Variants in SLC12A2 observed in about 807,000 individuals in gnomAD.
SLC12A2 encodes the protein solute carrier family 12 member 2.
In SLC12A2, 67 loss-of-function variants were observed where a neutral mutation model predicts 136.3. That is an observed-to-expected ratio of 0.49 (90% confidence interval 0.40 to 0.60). SLC12A2 has a LOEUF of 0.60. Ranked by LOEUF, SLC12A2 falls within the 20% of genes least tolerant of loss-of-function variation. The pLI, the probability that SLC12A2 is intolerant of heterozygous loss-of-function variation, is 0.00. For synonymous variants in SLC12A2, 619 were observed against 562.9 expected, an observed-to-expected ratio of 1.10 and a Z score of -1.41; for missense variants, 1,322 against 1,534.7, an observed-to-expected ratio of 0.86 and a Z score of 2.32.
At position 128,141,876 on chromosome 5, in the gene SLC12A2, C is replaced by A. The variant is rs111727169; in HGVS notation, c.1668C>A (p.Ile556=). ...RDATGNVNDT[I]VTELTNCTSA... is the part of the protein sequence containing the mutation. ...CCACTGGAAACGTTAATGACACTAT[C>A]GTAACAGAGCTAACAAACTGTACTT... Residue 556 remains isoleucine (I), a synonymous_variant, in exon 10 of 27, where the codon ATC becomes ATA. Coordinates refer to ENST00000262461, the MANE Select transcript of SLC12A2 (RefSeq NM_001046.3). 2 of 1,613,794 alleles carry A rather than the reference C, an allele frequency of 1.2e-6. No homozygotes were observed. The highest frequency in any genetic ancestry group is 8.5e-7 in the Non-Finnish European group (1 of 1,179,808).
chr5:128,179,948 CTTTTTTTTTTTTTTTTTTTTTTTTT>C (rs70997365), intron 22 of SLC12A2, among the ~76,000 whole-genome samples: 2 of 50,444 alleles, frequency 4.0e-5, no homozygotes, highest in Admixed American at 2.7e-4. Context: ...CCAATCGTTC[CTTTTTTTTTTTTTTTTTTTTTTTTT>C]TTTTTTTTTT....
Position 128,137,103 on chromosome 5 carries a change from C to G in SLC12A2, c.1408+1295C>G, listed in dbSNP as rs143762048. On this transcript the variant is annotated intron_variant, in intron 7 of 26. Transcript: ENST00000262461. ...GTTATCAGATGTTGAATCTTTCAGT[C>G]CATTGTCCACACAACATTAATAGTA... 1.1e-3 allele frequency among the ~76,000 whole-genome samples: 169 copies of G among 152,278 alleles called. 1 individual carries two copies. In the East Asian group the frequency reaches 0.029, roughly 26 times the overall value.
intron 2 of SLC12A2, 111 bp downstream of exon 2, chr5:128,113,044 GTCTTA>G: frequency 1.1e-6 from 1 of 939,386 alleles, no homozygotes; most frequent in Non-Finnish European, 1.5e-6. Context: ...TATGTTAACT[GTCTTA>G]TCTGAGTGCT....
intron 22 of SLC12A2, among the ~76,000 whole-genome samples, chr5:128,179,580 A>G (rs1274493062): frequency 6.6e-6 from 1 of 152,174 alleles, no homozygotes; most frequent in Non-Finnish European, 1.5e-5. Flanking sequence ...GGGAGCTTTT[A>G]CTTATGGCAG....
At position 128,084,348 on chromosome 5, in the gene SLC12A2, AGC is replaced by A; in HGVS notation, c.396_397del (p.Ser132ArgfsTer21). ...CGGCGAGAGCGAGCCGGCTAAAGGC[AGC>A]GAGGAAGCCAAGGGCCGCTTCCGCG... ...ASGESEPAKG[S>X]EEAKGRFRVN... On this transcript the variant is annotated frameshift_variant, in exon 1 of 27. Coordinates refer to ENST00000262461, the MANE Select transcript of SLC12A2 (RefSeq NM_001046.3). LOFTEE classifies it high-confidence loss of function. This position sits in a 1 kb window ranked among gnomAD's most constrained non-coding sequence, Gnocchi z 5.6. 6.3e-7 allele frequency: 1 copy of A among 1,590,982 alleles called. No individual in the cohort carries two copies. Among genetic ancestry groups the A allele is most frequent in the Non-Finnish European group, 8.5e-7 (1 of 1,172,358 alleles).
At position 128,178,552 on chromosome 5, in the gene SLC12A2, TG is replaced by T. The variant is rs754839671; in HGVS notation, c.2978-14del. ...TTTACTTTGCTTACATTTTATATTT[TG>T]CTTAATCCTTTAGAATCCAAAGGCC... On this transcript the variant is annotated splice_polypyrimidine_tract_variant and intron_variant, in intron 21 of 26. Transcript: ENST00000262461. The T allele has an allele frequency of 1.3e-6, 2 of 1,528,682 alleles. No homozygotes were observed. The highest frequency in any genetic ancestry group is 1.8e-6 in the Non-Finnish European group (2 of 1,141,800). 94.7% of individuals were successfully genotyped at this position (1,528,682 alleles called of 1,614,324 possible).
At chr5:128,184,713 C>G in intron 25 of SLC12A2, 76 bp from the exon 26 acceptor site, 1 of 1,589,796 alleles carries the variant, frequency 6.3e-7, no homozygotes, top group South Asian at 1.2e-5. Context: ...TTCTTTTTGT[C>G]TCCTTATAGT....
chr5:128,138,983 C>A, intron 9 of SLC12A2, 75 bp downstream of exon 9: 1 of 987,070 alleles, frequency 1.0e-6, no homozygotes, highest in Non-Finnish European at 1.5e-6. Flanking sequence ...ATTTTTATGA[C>A]ATTTGCTAAC....
At position 128,114,199 on chromosome 5, in the gene SLC12A2, T is replaced by C. The variant is rs751020383; in HGVS notation, c.877-13T>C. ...TTCTTCCTCTGTGTCTTGGCCTCTT[T>C]TTCCCTCTTTAGGTACGTTGTATGT... On this transcript the variant is annotated splice_polypyrimidine_tract_variant and intron_variant, in intron 2 of 26. Coordinates refer to ENST00000262461, the MANE Select transcript of SLC12A2 (RefSeq NM_001046.3). 4 of 1,604,540 alleles carry C rather than the reference T, an allele frequency of 2.5e-6. No individual in the cohort carries two copies. The highest frequency in any genetic ancestry group is 3.3e-5 in the Admixed American group (2 of 59,730).
chr5:128,116,931 C>T (rs984910861), intron 4 of SLC12A2, among the ~76,000 whole-genome samples: 2 of 152,066 alleles, frequency 1.3e-5, no homozygotes, highest in Non-Finnish European at 2.9e-5. Flanking sequence ...ATATTTTCCA[C>T]GTGGGAGAAA....
rs367630382 is a variant in SLC12A2, at chr5:128,182,920, A to G, written c.3278A>G (p.Asn1093Ser). ...FSDIMVLGDI[N>S]TKPKKENIIA... ...GATATCATGGTTCTAGGAGATATCA[A>G]TACCAAACCAAAGAAAGAAAAGTAA... Residue 1093 changes from asparagine (N) to serine (S), a missense_variant, in exon 24 of 27, where the codon AAT (asparagine) becomes AGT (serine). By Grantham distance (46) the Asn-to-Ser change is conservative. Around this residue, in one of 8 missense-constraint regions of SLC12A2, gnomAD observed 172 missense variants for 227.4 expected, o/e 0.76. Coordinates refer to ENST00000262461, the MANE Select transcript of SLC12A2 (RefSeq NM_001046.3). 8.7e-6 allele frequency: 14 copies of G among 1,608,114 alleles called. No homozygotes were observed. The African/African-American group carries it at 1.2e-4, about 14-fold the overall frequency.
chr5:128,143,780 A>G (rs963354493), intron 10 of SLC12A2, among the ~76,000 whole-genome samples: 15 of 151,680 alleles, frequency 9.9e-5, no homozygotes, highest in African/African-American at 3.6e-4. Flanking sequence ...AGTATTGTAT[A>G]AACAGAATAA....
intron 1 of SLC12A2, among the ~76,000 whole-genome samples, chr5:128,085,443 T>C (rs1404760124): frequency 6.6e-6 from 1 of 152,218 alleles, no homozygotes; most frequent in Non-Finnish European, 1.5e-5. Flanking sequence ...GTGGGGTCTT[T>C]GCCATAAGCA....
chr5:128,097,436 A>G (rs1226811801), intron 1 of SLC12A2, among the ~76,000 whole-genome samples: 1 of 152,010 alleles, frequency 6.6e-6, no homozygotes, highest in Non-Finnish European at 1.5e-5. Context: ...CTCTTTGTAT[A>G]CTTTTTAGTC....
At chr5:128,180,860 T>C in intron 22 of SLC12A2, 23 bp from the exon 23 acceptor site, 1 of 1,333,774 alleles carries the variant, frequency 7.5e-7, no homozygotes, top group Non-Finnish European at 1.1e-6. Flanking sequence ...TAGTAAATGA[T>C]TTATTACATT....
At chr5:128,183,299 A>G (rs1463849863) in intron 24 of SLC12A2, among the ~76,000 whole-genome samples, 2 of 152,058 alleles carry the variant, frequency 1.3e-5, no homozygotes, top group Non-Finnish European at 2.9e-5. Context: ...TTTGCCTGCA[A>G]TAGTTGCATT....
intron 10 of SLC12A2, among the ~76,000 whole-genome samples, chr5:128,147,312 A>G (rs902512168): frequency 2.0e-5 from 3 of 151,672 alleles, no homozygotes; most frequent in African/African-American, 7.2e-5. Flanking sequence ...ACTTGTTTCA[A>G]AATATTGTGG....
chr5:128,112,686 C>T lies in SLC12A2; in HGVS notation c.757-128C>T, dbSNP rs536835826. 167 of 581,616 alleles carry T rather than the reference C, an allele frequency of 2.9e-4. 3 individuals carry two copies. Among genetic ancestry groups the T allele is most frequent in the South Asian group, 1.5e-3 (43 of 28,806 alleles). The allele number at this position is 581,616 out of a possible 1,614,324, so 36.0% of individuals were successfully genotyped here. ...TTCCTGGGGTAAAATATTTGGAAAC[C>T]CTTGATTCTTGGAAATCTGTACTAT... On this transcript the variant is annotated intron_variant, in intron 1 of 26. Transcript: ENST00000262461.
At chr5:128,108,672 G>A (rs1461562775) in intron 1 of SLC12A2, among the ~76,000 whole-genome samples, 3 of 152,176 alleles carry the variant, frequency 2.0e-5, no homozygotes, top group African/African-American at 7.2e-5. Flanking sequence ...TTTTCGGGGT[G>A]ATAAAAATAT....
Sources: allele counts gnomAD v4.1 joint callset (sites outside exome capture counted in the v4.1 genomes callset), GRCh38; gene constraint gnomAD v4.1.1; regional missense constraint gnomAD v4.1.1; non-coding constraint Gnocchi (gnomAD v3.1); transcripts MANE v1.5; gene names NCBI Gene and HGNC (gene_info 2026-07-23, HGNC 2026-07-21).